FBXO30: variants seen among roughly 807,000 people sequenced by gnomAD.
FBXO30 encodes the protein F-box protein 30.
In FBXO30, 21 loss-of-function variants were observed where a neutral mutation model predicts 58.1. The ratio of observed to expected loss-of-function variants is 0.36; its 90% confidence interval spans 0.26 to 0.52. The LOEUF is 0.52. Ranked by LOEUF, FBXO30 falls within the 20% of genes least tolerant of loss-of-function variation. FBXO30 has a pLI of 0.93. For synonymous variants in FBXO30, 309 were observed against 312.4 expected (o/e 0.99, Z 0.11); for missense variants, 744 against 897.3 (o/e 0.83, Z 2.18).
intron 1 of FBXO30, among the ~76,000 whole-genome samples, chr6:145,807,943 C>T (rs1188282035): frequency 6.6e-6 from 1 of 151,864 alleles, no homozygotes; most frequent in Non-Finnish European, 1.5e-5. Context: ...GCCTGGACAA[C>T]ATAGCAAGAC....
intron 2 of FBXO30, 138 bp downstream of exon 2, chr6:145,804,234 G>T: frequency 1.4e-6 from 1 of 714,602 alleles, no homozygotes; most frequent in Admixed American, 3.1e-5. Context: ...TTACCATTAA[G>T]AAAAAGTCTG....
Position 145,798,524 on chromosome 6 carries a change from C to A in FBXO30, c.*1582G>T, listed in dbSNP as rs934170932. 3.3e-5 allele frequency: 5 copies of A among 152,378 alleles called. No homozygotes were observed. Among genetic ancestry groups the A allele is most frequent in the Admixed American group, 2.0e-4 (3 of 15,230 alleles). 9.4% of individuals were successfully genotyped at this position (152,378 alleles called of 1,614,324 possible). On this transcript the variant is annotated 3_prime_UTR_variant, in exon 3 of 3. Transcript: ENST00000237281. ...TATCTCTTTTCTGTTGTTTTTTCCA[C>A]AGAAATAGAGACTGTTTATTCAATC...
chr6:145,812,177 T>C (rs1038471338), intron 1 of FBXO30, among the ~76,000 whole-genome samples: 6 of 152,174 alleles, frequency 3.9e-5, no homozygotes, highest in African/African-American at 1.4e-4. Flanking sequence ...ATGGATGACC[T>C]AATTATATGG....
Position 145,805,583 on chromosome 6 carries a change from T to C in FBXO30, c.823A>G (p.Thr275Ala). 6.2e-7 allele frequency: 1 copy of C among 1,613,580 alleles called. No individual in the cohort carries two copies. Among genetic ancestry groups the C allele is most frequent in the Non-Finnish European group, 8.5e-7 (1 of 1,179,802 alleles). ...GSSDLLCDLN[T>A]SSYDTSALCN... The stretch of plus-strand genomic sequence containing the variant: ...AGAGCAGAAGTGTCATAAGAACTTG[T>C]ATTCAAGTCACATAATAAATCACTT... Residue 275 changes from threonine (T) to alanine (A), a missense_variant, in exon 2 of 3, where the codon ACA (threonine) becomes GCA (alanine). Physicochemically the swap from Thr to Ala is moderately conservative, Grantham distance 58. This residue lies in a region of FBXO30 where 275 missense variants were observed against 262.0 expected (regional missense o/e 1.05). Coordinates refer to ENST00000237281, the MANE Select transcript of FBXO30 (RefSeq NM_032145.5).
At position 145,806,156 on chromosome 6, in the gene FBXO30, G is replaced by A; in HGVS notation, c.250C>T (p.Pro84Ser). Residue 84 changes from proline to serine, a missense_variant, in exon 2 of 3, where the codon CCT (proline) becomes TCT (serine). This residue lies in a region of FBXO30 where 135 missense variants were observed against 201.6 expected (regional missense o/e 0.67). Coordinates refer to ENST00000237281, the MANE Select transcript of FBXO30 (RefSeq NM_032145.5). ...ATAGTACAGCACACCACACTTGCAG[G>A]ACACATTTCTAGATGTTCAGCAACT... ...NKVAEHLEMCPASVVCCTMEW... is the reference protein window; with the variant it reads ...NKVAEHLEMCSASVVCCTMEW... 6.2e-7 allele frequency: 1 copy of A among 1,614,054 alleles called. No homozygotes were observed. The highest frequency in any genetic ancestry group is 8.5e-7 in the Non-Finnish European group (1 of 1,179,982).
chr6:145,804,911 G>A lies in FBXO30; in HGVS notation c.1495C>T (p.Leu499Phe). ...QLSNPSPFQT[L>F]GLDLVLECVA... ...CATTCCAATACTAAATCCAGCCCAAGTGTCTGAAACGGACTTGGATTTGAA... is the reference window on the plus strand; with the variant it reads ...CATTCCAATACTAAATCCAGCCCAAATGTCTGAAACGGACTTGGATTTGAA... The change falls in exon 2 of 3, where the codon CTT (leucine) becomes TTT (phenylalanine). Residue 499 changes from leucine (L) to phenylalanine (F), a missense_variant. Physicochemically the swap from Leu to Phe is conservative, Grantham distance 22 (BLOSUM62 0). This residue lies in a region of FBXO30 where 334 missense variants were observed against 433.7 expected (regional missense o/e 0.77). Transcript: ENST00000237281. 1 of 1,613,932 alleles carries A rather than the reference G, an allele frequency of 6.2e-7. No homozygotes were observed. Among genetic ancestry groups the A allele is most frequent in the Non-Finnish European group, 8.5e-7 (1 of 1,179,906 alleles).
In FBXO30 at chr6:145,797,528, G is replaced by C. The variant is rs1777888227; in HGVS notation, c.*2578C>G. On this transcript the variant is annotated 3_prime_UTR_variant, in exon 3 of 3. Transcript: ENST00000237281. ...ACAGATTGTTGGGTCCCACCCCAGAGTTCCTGATTCACTAAGTCTGGAGAG... is the reference window on the plus strand; with the variant it reads ...ACAGATTGTTGGGTCCCACCCCAGACTTCCTGATTCACTAAGTCTGGAGAG... 6.6e-6 allele frequency: 1 copy of C among 152,030 alleles called. No individual in the cohort carries two copies. The highest frequency in any genetic ancestry group is 2.4e-5 in the African/African-American group (1 of 41,418). The allele number at this position is 152,030 out of a possible 1,614,324, so 9.4% of individuals were successfully genotyped here.
chr6:145,812,900 TTTA>T (rs752333047), intron 1 of FBXO30, among the ~76,000 whole-genome samples: 4 of 152,188 alleles, frequency 2.6e-5, no homozygotes, highest in Non-Finnish European at 5.9e-5. Context: ...ACTCAATTGT[TTTA>T]TGTCAAAAAA....
At chr6:145,813,130 C>A (rs1385757744) in intron 1 of FBXO30, among the ~76,000 whole-genome samples, 1 of 152,076 alleles carries the variant, frequency 6.6e-6, no homozygotes, top group Non-Finnish European at 1.5e-5. Flanking sequence ...TACACGTTAG[C>A]ATTACTTATA....
chr6:145,804,608 G>C lies in FBXO30; in HGVS notation c.1798C>G (p.Pro600Ala), dbSNP rs1341866316. ...AATCCCAACACACAGTTTCTAGCAG[G>C]CTCCACTAATACTGTAGATACACAT... ...QPCVSTVLVE[P>A]ARNCVLGLHN... Residue 600 changes from proline to alanine, a missense_variant, in exon 2 of 3, where the codon CCT becomes GCT. Transcript: ENST00000237281. The C allele has an allele frequency of 3.1e-6, 5 of 1,613,706 alleles. No individual in the cohort carries two copies. Among genetic ancestry groups the C allele is most frequent in the Admixed American group, 1.7e-5 (1 of 59,902 alleles).
chr6:145,798,877 G>A lies in FBXO30; in HGVS notation c.*1229C>T, dbSNP rs1216277116. 6.6e-6 allele frequency: 1 copy of A among 151,964 alleles called. No homozygotes were observed. The highest frequency in any genetic ancestry group is 1.5e-5 in the Non-Finnish European group (1 of 67,928). The allele number at this position is 151,964 out of a possible 1,614,324, so 9.4% of individuals were successfully genotyped here. ...GACTACCAAATGCTAATTTACTTAAGACAAATTATTTAAGTATATATTCCC... is the reference window on the plus strand; with the variant it reads ...GACTACCAAATGCTAATTTACTTAAAACAAATTATTTAAGTATATATTCCC... On this transcript the variant is annotated 3_prime_UTR_variant, in exon 3 of 3. Coordinates refer to ENST00000237281, the MANE Select transcript of FBXO30 (RefSeq NM_032145.5).
At chr6:145,803,911 T>C (rs368894809) in intron 2 of FBXO30, among the ~76,000 whole-genome samples, 41 of 152,316 alleles carry the variant, frequency 2.7e-4, no homozygotes, top group African/African-American at 8.4e-4. Context: ...TTGTAACTTA[T>C]TCTCATCTCT....
intron 2 of FBXO30, among the ~76,000 whole-genome samples, chr6:145,802,876 G>C (rs1778046805): frequency 6.6e-6 from 1 of 152,122 alleles, no homozygotes. Context: ...TAAAAATAAA[G>C]GGGGGAGAAA....
In FBXO30 at chr6:145,805,549, C is replaced by A; in HGVS notation, c.857G>T (p.Gly286Val). The A allele has an allele frequency of 1.2e-6, 2 of 1,608,460 alleles. No homozygotes were observed. Among genetic ancestry groups the A allele is most frequent in the Non-Finnish European group, 8.5e-7 (1 of 1,177,854 alleles). The change falls in exon 2 of 3, where the codon GGC becomes GTC. Residue 286 changes from glycine (G) to valine (V), a missense_variant. Transcript: ENST00000237281. The stretch of plus-strand genomic sequence containing the variant: ...GGTACATATATTTTCCAAAGGAAAG[C>A]CATTACAAAGAGCAGAAGTGTCATA... ...SSYDTSALCN[G>V]FPLENICTQV...
chr6:145,807,990 G>T (rs1778226515), intron 1 of FBXO30, among the ~76,000 whole-genome samples: 1 of 151,890 alleles, frequency 6.6e-6, no homozygotes. Context: ...AAATTAGCCA[G>T]GCATAGTGAC....
rs1479470987 is a variant in FBXO30 at position 145,804,678 on chromosome 6, T to C, written c.1728A>G (p.Ala576=). 6.2e-7 allele frequency: 1 copy of C among 1,613,940 alleles called. No individual in the cohort carries two copies. The highest frequency in any genetic ancestry group is 8.5e-7 in the Non-Finnish European group (1 of 1,179,898). ...QRRFCPSIQG[A]KIIHDRHLRS... Reference sequence around the variant, plus strand: ...TCAAATGGCGGTCATGTATAATCTTTGCTCCTTGTATTGATGGACAAAATC... The same window carrying C: ...TCAAATGGCGGTCATGTATAATCTTCGCTCCTTGTATTGATGGACAAAATC... The change falls in exon 2 of 3, where the codon GCA becomes GCG. Residue 576 remains alanine (A), a synonymous_variant. Transcript: ENST00000237281.
In FBXO30 at chr6:145,805,899, A is replaced by G. The variant is rs1198959527; in HGVS notation, c.507T>C (p.Asn169=). The change falls in exon 2 of 3, where the codon AAT becomes AAC. Residue 169 remains asparagine, a synonymous_variant. Transcript: ENST00000237281. ...KSSVPEIPHA[N]GLVSVDEESY... Reference sequence around the variant, plus strand: ...ATTCTTCATCAACAGACACTAAACCATTAGCATGTGGTATTTCTGGGACAC... The same window carrying G: ...ATTCTTCATCAACAGACACTAAACCGTTAGCATGTGGTATTTCTGGGACAC... 1.2e-6 allele frequency: 2 copies of G among 1,613,884 alleles called. No homozygotes were observed. Among genetic ancestry groups the G allele is most frequent in the Non-Finnish European group, 1.7e-6 (2 of 1,179,982 alleles).
chr6:145,797,452 T>G lies in FBXO30; in HGVS notation c.*2654A>C, dbSNP rs1777886727. On this transcript the variant is annotated 3_prime_UTR_variant, in exon 3 of 3. Coordinates refer to ENST00000237281, the MANE Select transcript of FBXO30 (RefSeq NM_032145.5). ...AGCTGGCATGACCCAGTCTTCCCTCTAAGTTCTAATACTTTACTGTGCGTT... is the reference window on the plus strand; with the variant it reads ...AGCTGGCATGACCCAGTCTTCCCTCGAAGTTCTAATACTTTACTGTGCGTT... 6.6e-6 allele frequency: 1 copy of G among 152,044 alleles called. No individual in the cohort carries two copies. The highest frequency in any genetic ancestry group is 6.6e-5 in the Admixed American group (1 of 15,236). 9.4% of individuals were successfully genotyped at this position (152,044 alleles called of 1,614,324 possible).
At chr6:145,806,676 T>A (rs1778180561) in intron 1 of FBXO30, among the ~76,000 whole-genome samples, 1 of 152,202 alleles carries the variant, frequency 6.6e-6, no homozygotes, top group African/African-American at 2.4e-5. Flanking sequence ...TATAACAATA[T>A]GCCTAAAAGG....
Sources: allele counts gnomAD v4.1 joint callset (sites outside exome capture counted in the v4.1 genomes callset), GRCh38; gene constraint gnomAD v4.1.1; regional missense constraint gnomAD v4.1.1; transcripts MANE v1.5; gene names NCBI Gene and HGNC (gene_info 2026-07-23, HGNC 2026-07-21).